The following G6PC3 variants were observed in gnomAD, a reference collection of about 807,000 sequenced individuals.
G6PC3 encodes glucose-6-phosphatase 3.
Under a neutral mutation model 38.6 loss-of-function variants are expected in G6PC3, and 30 were observed. That is an observed-to-expected ratio of 0.78 (90% CI 0.58 to 1.05). The LOEUF (loss-of-function observed/expected upper bound fraction) is 1.05. G6PC3 is among the 50% of genes least tolerant of loss of function. The pLI is 0.00. For missense variants in G6PC3, 377 were observed against 443.1 expected (o/e 0.85, Z 1.34); for synonymous variants, 192 against 178.1 (o/e 1.08, Z -0.62).
chr17:44,076,211 C>G lies in G6PC3; in HGVS notation c.*168C>G, dbSNP rs747792914. On this transcript the variant is annotated 3_prime_UTR_variant, in exon 6 of 6. Transcript: ENST00000269097. Reference sequence around the variant, plus strand: ...GCCCCAAAGATGGGCCTTCTCTCTCCCAGATAAGTTGGTCCTCCCTCTGCC... The same window carrying G: ...GCCCCAAAGATGGGCCTTCTCTCTCGCAGATAAGTTGGTCCTCCCTCTGCC... 6 of 955,140 alleles carry G rather than the reference C, an allele frequency of 6.3e-6. No homozygotes were observed. The African/African-American group carries it at 9.6e-5, about 15-fold the overall frequency. 59.2% of individuals were successfully genotyped at this position (955,140 alleles called of 1,614,324 possible).
rs1246530023 is a variant in G6PC3 at position 44,075,995 on chromosome 17, A to G, written c.993A>G (p.Ala331=). The G allele has an allele frequency of 1.2e-6, 2 of 1,613,222 alleles. No homozygotes were observed. The highest frequency in any genetic ancestry group is 8.5e-7 in the Non-Finnish European group (1 of 1,180,014). ...TAGTCCTGGCCCTCGTGCCCTGGGCAGTGCACATGTTCAGTGCCCAGGAAG... is the reference window on the plus strand; with the variant it reads ...TAGTCCTGGCCCTCGTGCCCTGGGCGGTGCACATGTTCAGTGCCCAGGAAG... ...PCLVLALVPW[A]VHMFSAQEAP... Residue 331 remains alanine, a synonymous_variant, in exon 6 of 6, where the codon GCA becomes GCG. Transcript: ENST00000269097.
At chr17:44,074,003 A>C in intron 1 of G6PC3, 157 bp from the exon 2 acceptor site, 1 of 740,992 alleles carries the variant, frequency 1.3e-6, no homozygotes, top group Non-Finnish European at 2.5e-6. Flanking sequence ...AACCATGGCA[A>C]GGTATCCATG....
At chr17:44,074,087 T>C in intron 1 of G6PC3, 73 bp from the exon 2 acceptor site, 1 of 1,006,970 alleles carries the variant, frequency 9.9e-7, no homozygotes, top group Non-Finnish European at 1.6e-6. Flanking sequence ...GAGTACTCTG[T>C]GTCCTGCCCG....
chr17:44,074,598 C>A, intron 2 of G6PC3, 82 bp from the exon 3 acceptor site: 1 of 1,133,194 alleles, frequency 8.8e-7, no homozygotes, highest in Non-Finnish European at 1.3e-6. Context: ...CCAGGAAAGG[C>A]AGCTGTATTA....
chr17:44,074,891 C>T (rs2050052954), intron 3 of G6PC3, 78 bp from the exon 4 acceptor site: 11 of 1,454,888 alleles, frequency 7.6e-6, no homozygotes. Context: ...TGTGGTTCAA[C>T]CATGGAGTAC....
chr17:44,075,527 T>C, intron 5 of G6PC3, 76 bp downstream of exon 5: 1 of 1,606,130 alleles, frequency 6.2e-7, no homozygotes, highest in South Asian at 1.1e-5. Flanking sequence ...GTGTCTCTGG[T>C]TCATTATAGC....
chr17:44,071,121 T>C lies in G6PC3; in HGVS notation c.156T>C (p.Arg52=). The change falls in exon 1 of 6, where the codon CGT becomes CGC. Residue 52 remains arginine (R), a synonymous_variant. Coordinates refer to ENST00000269097, the MANE Select transcript of G6PC3 (RefSeq NM_138387.4). ...YFPAAYYASR[R]VGIAVLWISL... ...CCGCGGCCTACTACGCCTCCCGCCGTGTGGGCATCGCGGTGCTCTGGATCA... is the reference window on the plus strand; with the variant it reads ...CCGCGGCCTACTACGCCTCCCGCCGCGTGGGCATCGCGGTGCTCTGGATCA... 6.2e-7 allele frequency: 1 copy of C among 1,614,034 alleles called. No homozygotes were observed. Among genetic ancestry groups the C allele is most frequent in the Non-Finnish European group, 8.5e-7 (1 of 1,179,984 alleles).
In G6PC3 at chr17:44,071,872, T is replaced by A; in HGVS notation, c.218+689T>A. On this transcript the variant is annotated intron_variant, in intron 1 of 5. Transcript: ENST00000269097. ...AAAGCACTGCTTTCCAGGGAACACT[T>A]TCTCTTCTTTCTCTTTCATTCACCA... 4.1e-5 allele frequency: 16 copies of A among 389,472 alleles called. 1 individual carries two copies. Among genetic ancestry groups the A allele is most frequent in the South Asian group, 2.9e-4 (16 of 54,810 alleles). The allele number at this position is 389,472 out of a possible 1,614,324, so 24.1% of individuals were successfully genotyped here. A position where few individuals can be genotyped will look rare whatever the true frequency, so the allele number is the denominator to read the frequency against.
chr17:44,075,435 G>C lies in G6PC3; in HGVS notation c.661G>C (p.Gly221Arg), dbSNP rs1330740049. The change falls in exon 5 of 6, where the codon GGC becomes CGC. Residue 221 changes from glycine to arginine, a missense_variant. Transcript: ENST00000269097. The part of the protein sequence containing the change: ...SLIYWTLFTL[G>R]LDLSWSISLA... ...CATCTATTGGACCCTCTTTACACTGGGCCTGGATCTTTCTTGGTAAGTCTC... is the reference window on the plus strand; with the variant it reads ...CATCTATTGGACCCTCTTTACACTGCGCCTGGATCTTTCTTGGTAAGTCTC... 2 of 1,614,164 alleles carry C rather than the reference G, an allele frequency of 1.2e-6. No homozygotes were observed. Among genetic ancestry groups the C allele is most frequent in the Non-Finnish European group, 1.7e-6 (2 of 1,180,028 alleles).
chr17:44,075,224 T>C, intron 4 of G6PC3, 86 bp from the exon 5 acceptor site: 1 of 1,570,578 alleles, frequency 6.4e-7, no homozygotes, highest in South Asian at 1.1e-5. Flanking sequence ...TTTATTCTCT[T>C]GCCAAGCTGC....
rs1373819420 is a variant in G6PC3 at position 44,075,706 on chromosome 17, G to A, written c.704G>A (p.Cys235Tyr). The change falls in exon 6 of 6, where the codon TGT (cysteine) becomes TAT (tyrosine). Residue 235 changes from cysteine (C) to tyrosine (Y), a missense_variant. Transcript: ENST00000269097. ...TCCATCAGCCTAGCCTTCAAGTGGT[G>A]TGAGCGGCCTGAGTGGATACACGTG... ...SWSISLAFKW[C>Y]ERPEWIHVDS... The A allele has an allele frequency of 1.2e-6, 2 of 1,612,338 alleles. No individual in the cohort carries two copies. Among genetic ancestry groups the A allele is most frequent in the Non-Finnish European group, 1.7e-6 (2 of 1,180,020 alleles).
intron 1 of G6PC3, 106 bp downstream of exon 1, chr17:44,071,289 C>G (rs1488877717): frequency 7.2e-6 from 11 of 1,525,786 alleles, no homozygotes; most frequent in Non-Finnish European, 9.7e-6. Context: ...CCTTCCCACC[C>G]CTACTCTGTA....
chr17:44,072,573 G>C (rs1267253157), intron 1 of G6PC3: 1 of 148,042 alleles, frequency 6.8e-6, no homozygotes, highest in Non-Finnish European at 1.5e-5. Context: ...CAGGTGATCC[G>C]CCCGCTTCAG....
At chr17:44,074,104 A>AC (rs535460622) in intron 1 of G6PC3, 56 bp from the exon 2 acceptor site, 73 of 1,235,668 alleles carry the variant, frequency 5.9e-5, no homozygotes, top group South Asian at 2.0e-4. Flanking sequence ...CCCGCCTTGT[A>AC]CCCCCCCTGG....
In G6PC3 at chr17:44,071,112, C is replaced by T. The variant is rs898790675; in HGVS notation, c.147C>T (p.Ala49=). The change falls in exon 1 of 6, where the codon GCC becomes GCT. Residue 49 remains alanine (A), a synonymous_variant. Transcript: ENST00000269097. The part of the protein sequence containing the change: ...FLFYFPAAYY[A]SRRVGIAVLW... Reference sequence around the variant, plus strand: ...TCTACTTCCCCGCGGCCTACTACGCCTCCCGCCGTGTGGGCATCGCGGTGC... The same window carrying T: ...TCTACTTCCCCGCGGCCTACTACGCTTCCCGCCGTGTGGGCATCGCGGTGC... 3 of 1,613,968 alleles carry T rather than the reference C, an allele frequency of 1.9e-6. No individual in the cohort carries two copies. Among genetic ancestry groups the T allele is most frequent in the African/African-American group, 1.3e-5 (1 of 74,944 alleles).
At position 44,075,965 on chromosome 17, in the gene G6PC3, A is replaced by G; in HGVS notation, c.963A>G (p.Pro321=). 6.2e-7 allele frequency: 1 copy of G among 1,613,276 alleles called. No individual in the cohort carries two copies. The highest frequency in any genetic ancestry group is 8.5e-7 in the Non-Finnish European group (1 of 1,180,012). The change falls in exon 6 of 6, where the codon CCA becomes CCG. Residue 321 remains proline (P), a synonymous_variant. Transcript: ENST00000269097. ...IFNFLKYTLW[P]CLVLALVPWA... Reference sequence around the variant, plus strand: ...ATTTCCTCAAGTACACCCTCTGGCCATGCCTAGTCCTGGCCCTCGTGCCCT... The same window carrying G: ...ATTTCCTCAAGTACACCCTCTGGCCGTGCCTAGTCCTGGCCCTCGTGCCCT...
intron 5 of G6PC3, 105 bp from the exon 6 acceptor site, chr17:44,075,575 C>A (rs1458316415): frequency 6.3e-7 from 1 of 1,599,508 alleles, no homozygotes; most frequent in African/African-American, 1.3e-5. Context: ...TAGACCCTCA[C>A]AGGCACAAAA....
chr17:44,072,321 TTCTC>T (rs1401121675), intron 1 of G6PC3: 1 of 141,956 alleles, frequency 7.0e-6, no homozygotes, highest in African/African-American at 2.6e-5. Context: ...CATTTTCATT[TTCTC>T]TTTTTTTTTT....
In G6PC3 at chr17:44,075,029, G is replaced by C; in HGVS notation, c.477G>C (p.Leu159Phe). ...GCACCTTCCTTTTGGCGGTTGGCTT[G>C]TCGCGAATCTTCATCTTAGCACATT... ...AYCTFLLAVG[L>F]SRIFILAHFP... The change falls in exon 4 of 6, where the codon TTG (leucine) becomes TTC (phenylalanine). Residue 159 changes from leucine to phenylalanine, a missense_variant. Physicochemically the swap from Leu to Phe is conservative, Grantham distance 22. Transcript: ENST00000269097. The C allele has an allele frequency of 6.2e-7, 1 of 1,614,172 alleles. No individual in the cohort carries two copies. Among genetic ancestry groups the C allele is most frequent in the Non-Finnish European group, 8.5e-7 (1 of 1,180,028 alleles).
Sources: allele counts gnomAD v4.1 joint callset, GRCh38; gene constraint gnomAD v4.1.1; transcripts MANE v1.5; gene names NCBI Gene and HGNC (gene_info 2026-07-23, HGNC 2026-07-21).